ESPL1: variants seen among roughly 807,000 people sequenced by gnomAD.
The protein encoded by ESPL1 is extra spindle pole bodies like 1, separase.
A neutral mutation model predicts 217.2 loss-of-function variants in ESPL1; 50 were observed. The observed-to-expected ratio is 0.23, with a 90% CI of 0.18 to 0.29. ESPL1 has a LOEUF of 0.29. ESPL1 is among the 10% of genes least tolerant of loss of function. The pLI is 1.00. For synonymous variants in ESPL1, 994 were observed against 1,081.3 expected, an observed-to-expected ratio of 0.92 and a Z score of 1.58; for missense variants, 1,834 against 2,603.0, an observed-to-expected ratio of 0.70 and a Z score of 6.43.
At position 53,277,098 on chromosome 12, in the gene ESPL1, T is replaced by C. The variant is rs1292119937; in HGVS notation, c.1956T>C (p.Ala652=). The C allele has an allele frequency of 6.2e-7, 1 of 1,613,914 alleles. No homozygotes were observed. The highest frequency in any genetic ancestry group is 2.2e-5 in the East Asian group (1 of 44,864). The part of the protein sequence containing the change: ...TQQTNCSALD[A]IREALQLLDS... The stretch of plus-strand genomic sequence containing the variant: ...CTCCCTGCAGCTCTGCTCTGGATGC[T>C]ATCCGGGAAGCCCTGCAGCTTCTGG... Residue 652 remains alanine, a synonymous_variant, in exon 9 of 31, where the codon GCT becomes GCC. Transcript: ENST00000257934.
chr12:53,290,575 C>A (rs1944037120), intron 24 of ESPL1, 106 bp downstream of exon 24: 3 of 1,233,846 alleles, frequency 2.4e-6, no homozygotes, highest in Non-Finnish European at 1.2e-6. Flanking sequence ...CACTTCAAAT[C>A]CCTTCTGGAA....
chr12:53,273,707 C>T (rs911919370), intron 6 of ESPL1, among the ~76,000 whole-genome samples: 3 of 150,086 alleles, frequency 2.0e-5, no homozygotes, highest in South Asian at 2.2e-4. Context: ...TGCAGTGAGC[C>T]GAGATTGTGC....
At chr12:53,279,965 C>A in intron 12 of ESPL1, 99 bp downstream of exon 12, 1 of 1,314,578 alleles carries the variant, frequency 7.6e-7, no homozygotes, top group Non-Finnish European at 1.0e-6. Context: ...AGCTTCTCGG[C>A]CTTTTACCAC....
Position 53,276,651 on chromosome 12 carries a change from C to T in ESPL1, c.1732C>T (p.Pro578Ser). The part of the protein sequence containing the change: ...TLRDSLSGWD[P>S]ETLALLLREE... ...GCGAGACAGCCTCAGTGGCTGGGAC[C>T]CGGAGACCCTGGCCCTCCTGCTGAG... The change falls in exon 8 of 31, where the codon CCG (proline) becomes TCG (serine). Residue 578 changes from proline to serine, a missense_variant. This residue lies in a region of ESPL1 where 746 missense variants were observed against 1,077.0 expected (regional missense o/e 0.69). Transcript: ENST00000257934. 1 of 1,612,566 alleles carries T rather than the reference C, an allele frequency of 6.2e-7. No individual in the cohort carries two copies. The highest frequency in any genetic ancestry group is 8.5e-7 in the Non-Finnish European group (1 of 1,179,774).
rs758548371 is a variant in ESPL1, at chr12:53,281,509, A to G, written c.2502A>G (p.Leu834=). The G allele has an allele frequency of 6.2e-7, 1 of 1,613,020 alleles. No homozygotes were observed. Among genetic ancestry groups the G allele is most frequent in the Non-Finnish European group, 8.5e-7 (1 of 1,179,550 alleles). ...LTLGCPSYAQ[L]HLEEAASSLK... ...GTGCCCTCTGATTGCTTCCTTAGTT[A>G]CACCTGGAAGAGGCAGCATCGAGCC... Residue 834 remains leucine, a splice_region_variant and synonymous_variant, in exon 13 of 31, where the codon TTA becomes TTG. Coordinates refer to ENST00000257934, the MANE Select transcript of ESPL1 (RefSeq NM_012291.5).
intron 20 of ESPL1, 79 bp downstream of exon 20, chr12:53,288,778 C>A: frequency 7.2e-7 from 1 of 1,386,060 alleles, no homozygotes; most frequent in Non-Finnish European, 9.9e-7. Flanking sequence ...TCTTTCCAGG[C>A]TGGGTTCGGA....
chr12:53,274,622 G>T (rs1158997783), intron 6 of ESPL1, among the ~76,000 whole-genome samples, 195 bp from the exon 7 acceptor site: 2 of 152,170 alleles, frequency 1.3e-5, no homozygotes, highest in African/African-American at 2.4e-5. Context: ...GGAGTGGATT[G>T]CAGCCTCTGA....
chr12:53,290,407 A>C lies in ESPL1; in HGVS notation c.5302A>C (p.Ser1768Arg). ...DAIQKAQKENSSCTDKREWWT... is the reference protein window; with the variant it reads ...DAIQKAQKENRSCTDKREWWT... The stretch of plus-strand genomic sequence containing the variant: ...CATCCAGAAGGCACAGAAAGAGAAC[A>C]GCAGCTGTACTGACAAGCGAGAATG... Residue 1768 changes from serine to arginine, a missense_variant, in exon 24 of 31, where the codon AGC becomes CGC. Around this residue, in one of 5 missense-constraint regions of ESPL1, gnomAD observed 295 missense variants for 519.8 expected, o/e 0.57. Coordinates refer to ENST00000257934, the MANE Select transcript of ESPL1 (RefSeq NM_012291.5). 6 of 1,613,532 alleles carry C rather than the reference A, an allele frequency of 3.7e-6. No homozygotes were observed. Among genetic ancestry groups the C allele is most frequent in the Non-Finnish European group, 5.1e-6 (6 of 1,179,978 alleles).
rs1028045435 is a variant in ESPL1, at chr12:53,282,763, C to T, written c.2791+328C>T. Among the ~76,000 whole-genome samples the T allele has an allele frequency of 3.3e-5, 5 of 152,260 alleles. No homozygotes were observed. The highest frequency in any genetic ancestry group is 1.2e-4 in the African/African-American group (5 of 41,470). On this transcript the variant is annotated intron_variant, in intron 14 of 30. Coordinates refer to ENST00000257934, the MANE Select transcript of ESPL1 (RefSeq NM_012291.5). This position sits in a 1 kb window ranked among gnomAD's most constrained non-coding sequence, Gnocchi z 4.0. ...CTGCCTCCTGGGTTCAAACGATTCT[C>T]CTGCCTCAACCTCCTGAGTAGCTGG...
rs754205656 is a variant in ESPL1, at chr12:53,283,443, G to T, written c.2982G>T (p.Leu994=). ...AGGTGCTGAGCTGCTCAGAGAAGCT[G>T]GTCTGCCACCTGGGCCGCCTGGGTA... The part of the protein sequence containing the change: ...LSEVLSCSEK[L]VCHLGRLGSV... Residue 994 remains leucine (L), a synonymous_variant, in exon 16 of 31, where the codon CTG becomes CTT. Transcript: ENST00000257934. 3.7e-6 allele frequency: 6 copies of T among 1,614,166 alleles called. No homozygotes were observed. In the South Asian group the frequency reaches 5.5e-5, roughly 15 times the overall value.
Position 53,291,744 on chromosome 12 carries a change from T to C in ESPL1, c.5575T>C (p.Tyr1859His). 6.2e-7 allele frequency: 1 copy of C among 1,613,978 alleles called. No homozygotes were observed. Among genetic ancestry groups the C allele is most frequent in the South Asian group, 1.1e-5 (1 of 91,060 alleles). The part of the protein sequence containing the change: ...LTPQDIQALA[Y>H]GLCPTQPERA... ...CCCTCAGGACATTCAGGCCCTGGCC[T>C]ACGGGCTGTGCCCAACCCAGCCAGA... Residue 1859 changes from tyrosine to histidine, a missense_variant, in exon 26 of 31, where the codon TAC (tyrosine) becomes CAC (histidine). Around this residue, in one of 5 missense-constraint regions of ESPL1, gnomAD observed 295 missense variants for 519.8 expected, o/e 0.57. Transcript: ENST00000257934.
At chr12:53,268,730 C>G (rs1943612057) in intron 1 of ESPL1, 25 bp from the exon 2 acceptor site, 1 of 1,417,788 alleles carries the variant, frequency 7.1e-7, no homozygotes, top group Non-Finnish European at 9.9e-7. Context: ...TAACAATCTT[C>G]TCTAATTGGT....
chr12:53,270,303 G>A (rs2120874336), intron 3 of ESPL1, 75 bp from the exon 4 acceptor site: 1 of 1,140,330 alleles, frequency 8.8e-7, no homozygotes, highest in Non-Finnish European at 1.3e-6. Context: ...AGCTCTCCAG[G>A]ACTCCGGGTC....
In ESPL1 at chr12:53,268,793, T is replaced by G. The variant is rs142528308; in HGVS notation, c.27T>G (p.Phe9Leu). ...TGAGGAGCTTCAAAAGAGTCAACTT[T>G]GGGACTCTGCTAAGCAGCCAGAAGG... MRSFKRVN[F>L]GTLLSSQKEA... The change falls in exon 2 of 31, where the codon TTT (phenylalanine) becomes TTG (leucine). Residue 9 changes from phenylalanine to leucine, a missense_variant. By Grantham distance (22) the Phe-to-Leu change is conservative. This residue lies in a region of ESPL1 where 746 missense variants were observed against 1,077.0 expected (regional missense o/e 0.69). Transcript: ENST00000257934. 3 of 1,612,622 alleles carry G rather than the reference T, an allele frequency of 1.9e-6. No individual in the cohort carries two copies. The highest frequency in any genetic ancestry group is 1.7e-6 in the Non-Finnish European group (2 of 1,179,466).
Position 53,288,307 on chromosome 12 carries a change from C to T in ESPL1, c.4512C>T (p.Ile1504=). 6.2e-7 allele frequency: 1 copy of T among 1,603,086 alleles called. No homozygotes were observed. Among genetic ancestry groups the T allele is most frequent in the Non-Finnish European group, 8.5e-7 (1 of 1,175,370 alleles). ...ACTGGAGAAAAATGAGCTTTGAGAT[C>T]CTCAGGGGCTCTGACGGGGAAGACT... ...TDNWRKMSFE[I]LRGSDGEDSA... is the part of the protein sequence containing the mutation. The change falls in exon 19 of 31, where the codon ATC becomes ATT. Residue 1504 remains isoleucine, a synonymous_variant. Coordinates refer to ENST00000257934, the MANE Select transcript of ESPL1 (RefSeq NM_012291.5).
chr12:53,281,730 T>A, intron 13 of ESPL1, 104 bp downstream of exon 13: 8 of 1,128,622 alleles, frequency 7.1e-6, no homozygotes, highest in Non-Finnish European at 1.0e-5. Context: ...AGCTAGGCAG[T>A]ATGTTCCTGA....
At position 53,283,128 on chromosome 12, in the gene ESPL1, G is replaced by C. The variant is rs1475227953; in HGVS notation, c.2792-1G>C. 1.2e-6 allele frequency: 2 copies of C among 1,614,082 alleles called. No individual in the cohort carries two copies. The stretch of plus-strand genomic sequence containing the variant: ...TCCCTTTTTCACCCCACCCACCACA[G>C]GCTGGCAGACACCTGAGATAGCTCT... On this transcript the variant is annotated splice_acceptor_variant, in intron 14 of 30. Coordinates refer to ENST00000257934, the MANE Select transcript of ESPL1 (RefSeq NM_012291.5). LOFTEE classifies it high-confidence loss of function.
rs578049344 is a variant in ESPL1, at chr12:53,292,257, T to C, written c.5797-21T>C. ...CCTCTTGGTGAGACAAGCATCCTAA[T>C]CGCCAGTGTCTCCTCCTCAGTATGG... On this transcript the variant is annotated intron_variant, in intron 27 of 30. Transcript: ENST00000257934. The surrounding 1 kb of genome is among the most constrained non-coding windows in gnomAD (Gnocchi z 4.5). 1.9e-6 allele frequency: 3 copies of C among 1,571,208 alleles called. No individual in the cohort carries two copies. The highest frequency in any genetic ancestry group is 3.3e-5 in the Admixed American group (2 of 59,958).
Position 53,288,512 on chromosome 12 carries a change from G to A in ESPL1, c.4547-26G>A, listed in dbSNP as rs751824181. On this transcript the variant is annotated intron_variant, in intron 19 of 30. Transcript: ENST00000257934. ...GAGAATGGCAGGGGGAGGGAGCACT[G>A]TGAAAAAGGCCTGCTCTCTCCCCAG... The A allele has an allele frequency of 1.9e-6, 3 of 1,594,576 alleles. No individual in the cohort carries two copies. In the Admixed American group the frequency reaches 5.3e-5, roughly 28 times the overall value.
Sources: gnomAD v4.1 joint callset for allele counts (sites outside exome capture counted in the v4.1 genomes callset) on GRCh38, gnomAD v4.1.1 for gene constraint, gnomAD v4.1.1 regional missense constraint, Gnocchi (gnomAD v3.1) non-coding constraint, MANE v1.5 for transcripts, NCBI Gene and HGNC (gene_info 2026-07-23, HGNC 2026-07-21) for gene names.